NAA60: variants seen among roughly 807,000 people sequenced by gnomAD.
The protein encoded by NAA60 is N-alpha-acetyltransferase 60, NatF catalytic subunit, also known as N-alpha-acetyltransferase 60.
A neutral mutation model predicts 26.1 loss-of-function variants in NAA60; 8 were observed. That is an observed-to-expected ratio of 0.31 (90% CI 0.18 to 0.55). The LOEUF (loss-of-function observed/expected upper bound fraction) is 0.55. Ranked by LOEUF, NAA60 falls within the 20% of genes least tolerant of loss-of-function variation. The pLI is 0.93. For synonymous variants in NAA60, 131 were observed against 122.5 expected, an observed-to-expected ratio of 1.07 and a Z score of -0.46; for missense variants, 290 against 311.3, an observed-to-expected ratio of 0.93 and a Z score of 0.51.
At chr16:3,468,750 G>A (rs575056501) in intron 2 of NAA60, among the ~76,000 whole-genome samples, 2 of 152,198 alleles carry the variant, frequency 1.3e-5, no homozygotes, top group Admixed American at 6.5e-5. Flanking sequence ...CCCCAGGCTC[G>A]AGCCTTTGAA....
At chr16:3,482,425 G>C (rs2036895433) in intron 4 of NAA60, 77 bp from the exon 5 acceptor site, 2 of 1,230,672 alleles carry the variant, frequency 1.6e-6, no homozygotes, top group African/African-American at 1.5e-5. Flanking sequence ...TCGGTGCGGA[G>C]CCCGCCTGGG....
At chr16:3,476,420 G>T (rs2036488161) in intron 3 of NAA60, 83 bp downstream of exon 3, 1 of 1,165,250 alleles carries the variant, frequency 8.6e-7, no homozygotes. Flanking sequence ...GGGCCTCTTG[G>T]GCCCTTAGGA....
chr16:3,484,694 C>T lies in NAA60; in HGVS notation c.573-5C>T, dbSNP rs1481808882. On this transcript the variant is annotated splice_polypyrimidine_tract_variant and splice_region_variant and intron_variant, in intron 6 of 7. Coordinates refer to ENST00000407558, the MANE Select transcript of NAA60 (RefSeq NM_001083601.3). ...AAGTCGGAATCTTCCTTAACAGAGC[C>T]CCACGGACTACATCCAGCACCTGGG... 7 of 1,586,388 alleles carry T rather than the reference C, an allele frequency of 4.4e-6. No homozygotes were observed. The East Asian group carries it at 7.0e-5, about 16-fold the overall frequency.
At chr16:3,452,475 C>T (rs574588086) in intron 2 of NAA60, among the ~76,000 whole-genome samples, 32 of 146,682 alleles carry the variant, frequency 2.2e-4, no homozygotes, top group South Asian at 1.5e-3. Context: ...GGCAACATGG[C>T]GAAACTCTAT....
In NAA60 at chr16:3,485,740, G is replaced by A. The variant is rs1317631599; in HGVS notation, c.*480G>A. On this transcript the variant is annotated 3_prime_UTR_variant, in exon 8 of 8. Coordinates refer to ENST00000407558, the MANE Select transcript of NAA60 (RefSeq NM_001083601.3). ...CCTCGGAACAAGGGGGCGCAATAAA[G>A]GGAATGGCCCGTCCCCTTCCAGAAC... 3 of 454,102 alleles carry A rather than the reference G, an allele frequency of 6.6e-6. No homozygotes were observed. Among genetic ancestry groups the A allele is most frequent in the Non-Finnish European group, 1.3e-5 (3 of 225,494 alleles). 28.1% of individuals were successfully genotyped at this position (454,102 alleles called of 1,614,324 possible).
intron 1 of NAA60, among the ~76,000 whole-genome samples, chr16:3,444,146 G>C (rs1355212412): frequency 1.3e-5 from 2 of 152,176 alleles, no homozygotes; most frequent in African/African-American, 2.4e-5. Context: ...TAGAGCCATA[G>C]GTTAGCGTCG....
chr16:3,466,022 T>C (rs1028400135), intron 2 of NAA60, among the ~76,000 whole-genome samples: 2 of 152,222 alleles, frequency 1.3e-5, no homozygotes, highest in African/African-American at 4.8e-5. Context: ...TGCTGTTAAC[T>C]GAGGTGTAAT....
chr16:3,443,825 T>A lies in NAA60; in HGVS notation c.-89T>A. 2 of 1,533,178 alleles carry A rather than the reference T, an allele frequency of 1.3e-6. No individual in the cohort carries two copies. Among genetic ancestry groups the A allele is most frequent in the South Asian group, 2.4e-5 (2 of 83,884 alleles). The allele number at this position is 1,533,178 out of a possible 1,614,324, so 95.0% of individuals were successfully genotyped here. The stretch of plus-strand genomic sequence containing the variant: ...GGAGACACCGGAACTCGAAAGAAAA[T>A]CGGTAACAAAATGTGGGTTCGGCCA... On this transcript the variant is annotated 5_prime_UTR_variant, in exon 1 of 8. Transcript: ENST00000407558.
Position 3,474,595 on chromosome 16 carries a change from C to T in NAA60, c.-6-1627C>T, listed in dbSNP as rs927168117. Among the ~76,000 whole-genome samples, 7 of 152,360 alleles carry T rather than the reference C, an allele frequency of 4.6e-5. No individual in the cohort carries two copies. The South Asian group carries it at 1.4e-3, about 32-fold the overall frequency. On this transcript the variant is annotated intron_variant, in intron 2 of 7. Coordinates refer to ENST00000407558, the MANE Select transcript of NAA60 (RefSeq NM_001083601.3). ...ACCCATGGCAGCAGGAGGGCGGGAG[C>T]TCAGAGAGGCTGGGCTCGCCCTGCC...
intron 2 of NAA60, among the ~76,000 whole-genome samples, chr16:3,451,214 G>T (rs1181759702): frequency 1.3e-5 from 2 of 152,186 alleles, no homozygotes; most frequent in Admixed American, 1.3e-4. Context: ...AAAGAATCCA[G>T]TATCTAAGCC....
intron 2 of NAA60, among the ~76,000 whole-genome samples, chr16:3,461,183 C>T (rs763440314): frequency 5.3e-5 from 8 of 152,186 alleles, no homozygotes; most frequent in Admixed American, 6.5e-5. Context: ...GAAAACCAAA[C>T]GGGCATATAA....
At chr16:3,479,910 T>A (rs990474089) in intron 4 of NAA60, among the ~76,000 whole-genome samples, 1 of 152,182 alleles carries the variant, frequency 6.6e-6, no homozygotes, top group African/African-American at 2.4e-5. Flanking sequence ...AAAATACCCC[T>A]GATTTGTGTT....
chr16:3,455,522 G>C (rs1416029132), intron 2 of NAA60, among the ~76,000 whole-genome samples: 1 of 146,728 alleles, frequency 6.8e-6, no homozygotes, highest in East Asian at 2.1e-4. Context: ...AGCCTCCCAA[G>C]TAGCTGGGAC....
chr16:3,480,534 T>C (rs964146247), intron 4 of NAA60, among the ~76,000 whole-genome samples: 2 of 150,356 alleles, frequency 1.3e-5, no homozygotes, highest in Non-Finnish European at 3.0e-5. Context: ...GAGGCAGAGG[T>C]TGCAGTGAGC....
At chr16:3,450,636 T>C (rs914733654) in intron 2 of NAA60, among the ~76,000 whole-genome samples, 8 of 144,532 alleles carry the variant, frequency 5.5e-5, no homozygotes, top group Non-Finnish European at 1.2e-4. Flanking sequence ...GGAGGCGGAG[T>C]TTGCAGTGAG....
chr16:3,474,981 A>C (rs532414608), intron 2 of NAA60, among the ~76,000 whole-genome samples: 1 of 151,740 alleles, frequency 6.6e-6, no homozygotes, highest in Admixed American at 6.6e-5. Context: ...GGGTCTTGCT[A>C]TGTTGCCCAG....
At chr16:3,475,621 T>C (rs1316982859) in intron 2 of NAA60, among the ~76,000 whole-genome samples, 2 of 152,220 alleles carry the variant, frequency 1.3e-5, no homozygotes, top group Non-Finnish European at 2.9e-5. Flanking sequence ...CGACTTGAAC[T>C]GTGGTGTCCC....
chr16:3,456,058 A>T (rs2034978925), intron 2 of NAA60, among the ~76,000 whole-genome samples: 3 of 152,132 alleles, frequency 2.0e-5, no homozygotes, highest in Admixed American at 6.5e-5. Flanking sequence ...TTGCCAGTTC[A>T]TCTTAACGGT....
intron 2 of NAA60, chr16:3,457,976 G>C (rs970097436): frequency 2.0e-6 from 2 of 985,156 alleles, no homozygotes; most frequent in African/African-American, 3.5e-5. Flanking sequence ...CCACGTGGGG[G>C]CGGCGGCCAA....
Sources: allele counts gnomAD v4.1 joint callset (sites outside exome capture counted in the v4.1 genomes callset), GRCh38; gene constraint gnomAD v4.1.1; transcripts MANE v1.5; gene names NCBI Gene and HGNC (gene_info 2026-07-23, HGNC 2026-07-21).